The following GRAMD4 variants were observed in gnomAD, a reference collection of about 807,000 sequenced individuals.
The protein encoded by GRAMD4 is GRAM domain-containing protein 4.
Under a neutral mutation model 83.9 loss-of-function variants are expected in GRAMD4, and 25 were observed. The observed-to-expected ratio is 0.30, with a 90% CI of 0.22 to 0.42. GRAMD4 has a LOEUF of 0.42. GRAMD4 is among the 10% of genes least tolerant of loss of function. GRAMD4 has a pLI of 1.00. For missense variants in GRAMD4, 593 were observed against 788.7 expected, an observed-to-expected ratio of 0.75 and a Z score of 2.97; for synonymous variants, 336 against 320.9, an observed-to-expected ratio of 1.05 and a Z score of -0.50.
In GRAMD4 at chr22:46,678,845, G is replaced by C; in HGVS notation, c.*1594G>C. The C allele has an allele frequency of 1.0e-6, 1 of 986,086 alleles. No individual in the cohort carries two copies. Among genetic ancestry groups the C allele is most frequent in the Non-Finnish European group, 1.2e-6 (1 of 830,066 alleles). 61.1% of individuals were successfully genotyped at this position (986,086 alleles called of 1,614,324 possible). On this transcript the variant is annotated 3_prime_UTR_variant, in exon 19 of 19. Transcript: ENST00000406902. ...CCGGGGGTGCTTTGGGGGGAGCTGC[G>C]CCGATCACCAGATTAAGCACATGTC...
At chr22:46,588,040 C>G in intron 1 of GRAMD4, 1 of 762,226 alleles carries the variant, frequency 1.3e-6, no homozygotes, top group Non-Finnish European at 1.6e-6. Flanking sequence ...CTCTAGATGT[C>G]GGGTTTAGAG....
At chr22:46,661,518 C>G (rs1243657304) in intron 5 of GRAMD4, 76 bp downstream of exon 5, 5 of 1,062,550 alleles carry the variant, frequency 4.7e-6, no homozygotes, top group African/African-American at 4.6e-5. Flanking sequence ...TCTGTAGGCC[C>G]AGGTTAACAA....
intron 1 of GRAMD4, among the ~76,000 whole-genome samples, chr22:46,612,946 C>T: frequency 6.6e-6 from 1 of 152,236 alleles, no homozygotes; most frequent in Non-Finnish European, 1.5e-5. Context: ...CCCACAGGCC[C>T]TTCCTGCCCC....
At chr22:46,638,174 G>A (rs1162465518) in intron 3 of GRAMD4, among the ~76,000 whole-genome samples, 2 of 152,236 alleles carry the variant, frequency 1.3e-5, no homozygotes, top group Admixed American at 1.3e-4. Context: ...CCTCCCTTGC[G>A]GCCCTGCTAA....
At chr22:46,594,441 G>T (rs910543377) in intron 1 of GRAMD4, among the ~76,000 whole-genome samples, 3 of 152,180 alleles carry the variant, frequency 2.0e-5, no homozygotes, top group South Asian at 4.1e-4. Context: ...GGCCAGGTGT[G>T]TTCAGGGATC....
intron 4 of GRAMD4, among the ~76,000 whole-genome samples, chr22:46,658,574 C>T (rs891223745): frequency 6.6e-6 from 1 of 152,116 alleles, no homozygotes; most frequent in African/African-American, 2.4e-5. Context: ...TGCCAGCCCC[C>T]AGGCCTGGGG....
chr22:46,601,223 A>G (rs2081309355), intron 1 of GRAMD4, among the ~76,000 whole-genome samples: 1 of 151,948 alleles, frequency 6.6e-6, no homozygotes, highest in South Asian at 2.1e-4. Context: ...TCGGGGTGTG[A>G]TTTGTCAGGA....
At chr22:46,666,695 A>T in intron 9 of GRAMD4, 130 bp from the exon 10 acceptor site, 2 of 753,496 alleles carry the variant, frequency 2.7e-6, no homozygotes, top group Admixed American at 1.9e-5. Flanking sequence ...TTTTCTCCCC[A>T]TTGGGCAGCA....
intron 2 of GRAMD4, among the ~76,000 whole-genome samples, chr22:46,637,476 C>G (rs147499834): frequency 6.6e-6 from 1 of 152,232 alleles, no homozygotes; most frequent in East Asian, 1.9e-4. Context: ...CTCCTGACCT[C>G]GATCCACCTG....
rs1414390841 is a variant in GRAMD4 at position 46,640,792 on chromosome 22, C to T, written c.283+2832C>T. On this transcript the variant is annotated intron_variant, in intron 3 of 18. Coordinates refer to ENST00000406902, the MANE Select transcript of GRAMD4 (RefSeq NM_015124.5). Reference sequence around the variant, plus strand: ...GGACCAGGCAGGCTTCCCCGACACGCCCTCTCCCTGCCCCCAACCCCCTGC... The same window carrying T: ...GGACCAGGCAGGCTTCCCCGACACGTCCTCTCCCTGCCCCCAACCCCCTGC... 4.6e-5 allele frequency among the ~76,000 whole-genome samples: 7 copies of T among 152,222 alleles called. No homozygotes were observed. The East Asian group carries it at 1.4e-3, about 29-fold the overall frequency.
intron 11 of GRAMD4, 59 bp downstream of exon 11, chr22:46,668,226 G>C (rs1327721218): frequency 1.1e-5 from 14 of 1,264,574 alleles, no homozygotes; most frequent in Non-Finnish European, 1.6e-5. Context: ...ACCAGCCAGG[G>C]GTGTGTCTAC....
chr22:46,637,769 G>A, intron 2 of GRAMD4, 71 bp from the exon 3 acceptor site: 14 of 1,563,858 alleles, frequency 9.0e-6, no homozygotes, highest in East Asian at 4.5e-5. Flanking sequence ...GGGCACCTCT[G>A]GGGGAACTGA....
intron 1 of GRAMD4, among the ~76,000 whole-genome samples, chr22:46,609,337 GGGTAGCC>G (rs2081395893): frequency 6.6e-6 from 1 of 152,232 alleles, no homozygotes; most frequent in Non-Finnish European, 1.5e-5. Context: ...CTGCTGTGCG[GGGTAGCC>G]CTGTGTTGGG....
At chr22:46,607,941 G>GC (rs889810144) in intron 1 of GRAMD4, among the ~76,000 whole-genome samples, 1 of 152,094 alleles carries the variant, frequency 6.6e-6, no homozygotes, top group Non-Finnish European at 1.5e-5. Context: ...GGTGCCGGCT[G>GC]CCCCCCCAGG....
intron 1 of GRAMD4, among the ~76,000 whole-genome samples, chr22:46,625,251 C>T (rs1395197380): frequency 5.3e-5 from 8 of 152,232 alleles, no homozygotes; most frequent in African/African-American, 1.9e-4. Flanking sequence ...TGGGAACCTC[C>T]GCGCCTCTGT....
chr22:46,589,614 G>A (rs951819578), intron 1 of GRAMD4, among the ~76,000 whole-genome samples: 12 of 152,098 alleles, frequency 7.9e-5, no homozygotes, highest in African/African-American at 2.4e-4. Flanking sequence ...GTGAGTAAGC[G>A]GGTGTCTGAG....
chr22:46,617,429 C>T (rs2081518675), upstream of GRAMD4, among the ~76,000 whole-genome samples: 1 of 150,614 alleles, frequency 6.6e-6, no homozygotes. Flanking sequence ...TGTAGGTTCC[C>T]CTGGGTGTAG....
chr22:46,656,449 GCTGTTT>G (rs1393746687), intron 3 of GRAMD4, among the ~76,000 whole-genome samples: 7 of 152,210 alleles, frequency 4.6e-5, no homozygotes, highest in Admixed American at 1.3e-4. Context: ...ACGGCCCCCT[GCTGTTT>G]CTGTACGGCT....
chr22:46,649,487 T>G (rs2082133989), intron 3 of GRAMD4, among the ~76,000 whole-genome samples: 1 of 152,212 alleles, frequency 6.6e-6, no homozygotes, highest in Non-Finnish European at 1.5e-5. Flanking sequence ...CTGCTCTGGG[T>G]GAAAACCCTG....
Sources: gnomAD v4.1 joint callset for allele counts (sites outside exome capture counted in the v4.1 genomes callset) on GRCh38, gnomAD v4.1.1 for gene constraint, MANE v1.5 for transcripts, NCBI Gene and HGNC (gene_info 2026-07-23, HGNC 2026-07-21) for gene names.